DLG2: variants seen among roughly 807,000 people sequenced by gnomAD.
DLG2 encodes disks large homolog 2.
DLG2 carries 45 observed loss-of-function variants against 132.5 expected under a neutral mutation model. That is an observed-to-expected ratio of 0.34 (90% CI 0.27 to 0.44). The LOEUF is 0.44. Among genes scored for constraint, DLG2 ranks in the 20% least tolerant of loss-of-function variants. The pLI is 1.00. For synonymous variants in DLG2, 424 were observed against 419.6 expected (o/e 1.01, Z -0.13); for missense variants, 1,045 against 1,196.9 (o/e 0.87, Z 1.87).
chr11:85,216,857 A>C (rs778824453), intron 4 of DLG2, among the ~76,000 whole-genome samples: 18 of 151,964 alleles, frequency 1.2e-4, no homozygotes, highest in Non-Finnish European at 2.2e-4. Context: ...CACCACGCCC[A>C]GCTAATTTTT....
chr11:83,756,226 A>C (rs1202533136), intron 18 of DLG2, among the ~76,000 whole-genome samples: 2 of 151,314 alleles, frequency 1.3e-5, no homozygotes, highest in African/African-American at 4.9e-5. Context: ...GAAATCCAGA[A>C]TGCATTACCT....
intron 11 of DLG2, among the ~76,000 whole-genome samples, chr11:84,032,592 G>A (rs1394415254): frequency 6.6e-6 from 1 of 152,182 alleles, no homozygotes; most frequent in African/African-American, 2.4e-5. Context: ...CTGAGGTAGA[G>A]AAGTTGCAGC....
At chr11:85,547,883 G>A (rs1323780864) in intron 3 of DLG2, among the ~76,000 whole-genome samples, 3 of 151,924 alleles carry the variant, frequency 2.0e-5, no homozygotes, top group South Asian at 4.2e-4. Flanking sequence ...TTAGCAATTC[G>A]TCTAACCCTT....
At chr11:85,609,679 G>A (rs2080851152) in intron 2 of DLG2, among the ~76,000 whole-genome samples, 1 of 152,112 alleles carries the variant, frequency 6.6e-6, no homozygotes, top group African/African-American at 2.4e-5. Flanking sequence ...CCAACAACAG[G>A]ACTGAGGGTG....
chr11:84,769,808 G>A (rs79727233), intron 6 of DLG2, among the ~76,000 whole-genome samples: 4,371 of 152,324 alleles, frequency 0.029, 92 homozygotes, highest in Non-Finnish European at 0.044. Context: ...TAAGCCAGGA[G>A]AGACTGGGTG....
chr11:85,146,365 G>A (rs578030172), intron 5 of DLG2, among the ~76,000 whole-genome samples: 1 of 152,070 alleles, frequency 6.6e-6, no homozygotes, highest in African/African-American at 2.4e-5. Context: ...CAGTATTTGG[G>A]TCTTATCCAA....
intron 17 of DLG2, among the ~76,000 whole-genome samples, chr11:83,792,707 A>G (rs79432487): frequency 0.019 from 2,871 of 152,238 alleles, 47 homozygotes; most frequent in African/African-American, 0.042. Flanking sequence ...TGAGTGTTCT[A>G]TTATTCAATG....
At chr11:84,011,729 A>C (rs2094901921) in intron 11 of DLG2, among the ~76,000 whole-genome samples, 1 of 152,260 alleles carries the variant, frequency 6.6e-6, no homozygotes, top group Non-Finnish European at 1.5e-5. Flanking sequence ...TAAGAAATGA[A>C]ACAATGAATG....
chr11:84,378,203 G>A (rs1249246001), intron 7 of DLG2, among the ~76,000 whole-genome samples: 1 of 152,124 alleles, frequency 6.6e-6, no homozygotes, highest in African/African-American at 2.4e-5. Flanking sequence ...TAGGATTAGT[G>A]TCCCTAAAAG....
At chr11:85,450,904 T>TC (rs2153042537) in intron 3 of DLG2, among the ~76,000 whole-genome samples, 1 of 152,196 alleles carries the variant, frequency 6.6e-6, no homozygotes, top group South Asian at 2.1e-4. Context: ...CCTCCATATT[T>TC]CTAAACATTG....
intron 3 of DLG2, among the ~76,000 whole-genome samples, chr11:85,395,079 C>A (rs1042231739): frequency 6.6e-6 from 1 of 152,196 alleles, no homozygotes; most frequent in Non-Finnish European, 1.5e-5. Flanking sequence ...CTCTTACTGA[C>A]AAACTGGATT....
At chr11:84,586,599 A>G (rs1266316737) in intron 6 of DLG2, among the ~76,000 whole-genome samples, 1 of 152,088 alleles carries the variant, frequency 6.6e-6, no homozygotes, top group Non-Finnish European at 1.5e-5. Context: ...AGTTTAATCT[A>G]TTTATATTTG....
chr11:84,910,148 CCTGA>C (rs2091922587), intron 6 of DLG2, among the ~76,000 whole-genome samples: 2 of 152,188 alleles, frequency 1.3e-5, no homozygotes, highest in African/African-American at 2.4e-5. Flanking sequence ...GGCAGACATC[CCTGA>C]CTGAGTGATT....
chr11:83,503,420 T>TAGATAGATAG (rs1320528874), intron 21 of DLG2, among the ~76,000 whole-genome samples: 4 of 78,358 alleles, frequency 5.1e-5, no homozygotes, highest in Admixed American at 1.8e-4. Flanking sequence ...TATATATATA[T>TAGATAGATAG]ATAGATAGAT....
intron 7 of DLG2, among the ~76,000 whole-genome samples, chr11:84,527,191 G>A (rs2099323863): frequency 6.6e-6 from 1 of 152,182 alleles, no homozygotes; most frequent in African/African-American, 2.4e-5. Context: ...TGACTATGTG[G>A]GATGCACTAA....
At chr11:83,621,464 G>A (rs186362109) in intron 19 of DLG2, among the ~76,000 whole-genome samples, 2 of 152,220 alleles carry the variant, frequency 1.3e-5, no homozygotes, top group East Asian at 3.9e-4. Flanking sequence ...AACTTTTGCA[G>A]AACAAGAAGA....
intron 6 of DLG2, among the ~76,000 whole-genome samples, chr11:84,945,547 T>C (rs752381419): frequency 2.0e-5 from 3 of 152,210 alleles, no homozygotes; most frequent in Non-Finnish European, 4.4e-5. Context: ...CCAAGACCCA[T>C]GTCAATCACT....
intron 11 of DLG2, among the ~76,000 whole-genome samples, chr11:84,040,847 G>A (rs183285408): frequency 0.029 from 4,434 of 151,404 alleles, 91 homozygotes; most frequent in Non-Finnish European, 0.044. Flanking sequence ...TTCTTCCTAC[G>A]CATGAGCATG....
chr11:85,070,060 A>C (rs2065589226), intron 6 of DLG2, among the ~76,000 whole-genome samples: 2 of 151,984 alleles, frequency 1.3e-5, no homozygotes, highest in Non-Finnish European at 2.9e-5. Context: ...AGGACAAAAA[A>C]CCAAACACCG....
Sources: gnomAD v4.1 joint callset for allele counts (sites outside exome capture counted in the v4.1 genomes callset) on GRCh38, gnomAD v4.1.1 for gene constraint, MANE v1.5 for transcripts, NCBI Gene and HGNC (gene_info 2026-07-23, HGNC 2026-07-21) for gene names.